Variants in ESR1 observed in about 807,000 individuals in gnomAD.
ESR1 encodes the protein estrogen receptor.
ESR1 carries 12 observed loss-of-function variants against 52.7 expected under a neutral mutation model. The ratio of observed to expected loss-of-function variants is 0.23; its 90% confidence interval spans 0.15 to 0.37. The LOEUF (loss-of-function observed/expected upper bound fraction) is 0.37, where lower values mean the gene tolerates loss of function less well. Among genes scored for constraint, ESR1 ranks in the 10% least tolerant of loss-of-function variants. ESR1 has a pLI of 1.00. For missense variants in ESR1, 584 were observed against 779.7 expected, an observed-to-expected ratio of 0.75 and a Z score of 2.99; for synonymous variants, 305 against 316.8, an observed-to-expected ratio of 0.96 and a Z score of 0.39.
chr6:152,001,999 GC>G lies in ESR1; in HGVS notation c.1097-9656del, dbSNP rs1204516331. On this transcript the variant is annotated intron_variant, in intron 4 of 7. Coordinates refer to ENST00000206249, the MANE Select transcript of ESR1 (RefSeq NM_000125.4). ...GCTTTTCTCTGGCTTCCCAGTTGAA[GC>G]ATTGTCATATGCTTTGATGCTCAGC... Among the ~76,000 whole-genome samples the G allele has an allele frequency of 2.0e-5, 3 of 151,978 alleles. No individual in the cohort carries two copies. In the East Asian group the frequency reaches 5.8e-4, roughly 30 times the overall value.
At chr6:151,830,403 G>A (rs547210812) in intron 1 of ESR1, among the ~76,000 whole-genome samples, 1 of 152,224 alleles carries the variant, frequency 6.6e-6, no homozygotes, top group Admixed American at 6.5e-5. Flanking sequence ...TAATTCTGCA[G>A]GTAAATCAAG....
At chr6:151,689,656 T>C (rs1778824173), upstream of ESR1, among the ~76,000 whole-genome samples, 1 of 152,184 alleles carries the variant, frequency 6.6e-6, no homozygotes, top group Non-Finnish European at 1.5e-5. Context: ...TCCTCTGTAC[T>C]GGGTACTGGG....
chr6:151,786,133 A>G (rs1290078566), intron 2 of ESR1, among the ~76,000 whole-genome samples: 1 of 152,190 alleles, frequency 6.6e-6, no homozygotes, highest in African/African-American at 2.4e-5. Context: ...CAGGGTGCTC[A>G]CAGTACTCCT....
At chr6:151,659,100 G>A (rs545721936) in intron 1 of ESR1, among the ~76,000 whole-genome samples, 2 of 150,846 alleles carry the variant, frequency 1.3e-5, no homozygotes, top group South Asian at 2.1e-4. Flanking sequence ...CGCAACCTCC[G>A]CCTCCTGGGT....
intron 4 of ESR1, among the ~76,000 whole-genome samples, chr6:151,974,664 A>T (rs1260006392): frequency 1.3e-5 from 2 of 152,220 alleles, no homozygotes; most frequent in African/African-American, 2.4e-5. Context: ...GCCTATATGA[A>T]TGTGCTTTAT....
In ESR1 at chr6:152,100,354, G is replaced by A. The variant is rs2152509022; in HGVS notation, c.*1388G>A. On this transcript the variant is annotated 3_prime_UTR_variant, in exon 8 of 8. Coordinates refer to ENST00000206249, the MANE Select transcript of ESR1 (RefSeq NM_000125.4). The stretch of plus-strand genomic sequence containing the variant: ...TGGTCAGATTACGTATGCCCTTGGT[G>A]GTTTAGAGATAATCCAAAATCAGGG... 1 of 356,582 alleles carries A rather than the reference G, an allele frequency of 2.8e-6. No individual in the cohort carries two copies. Among genetic ancestry groups the A allele is most frequent in the Middle Eastern group, 7.2e-4 (1 of 1,380 alleles). The allele number at this position is 356,582 out of a possible 1,614,324, so 22.1% of individuals were successfully genotyped here. A position where few individuals can be genotyped will look rare whatever the true frequency, so the allele number is the denominator to read the frequency against.
At chr6:152,022,912 G>A (rs1275093740) in intron 5 of ESR1, among the ~76,000 whole-genome samples, 1 of 151,848 alleles carries the variant, frequency 6.6e-6, no homozygotes, top group Non-Finnish European at 1.5e-5. Flanking sequence ...GGGAGGCAGA[G>A]GTTGCAGTGA....
rs556767083 is a variant in ESR1, at chr6:151,899,978, A to G, written c.760+19207A>G. Among the ~76,000 whole-genome samples the G allele has an allele frequency of 1.8e-3, 272 of 152,166 alleles. 1 individual carries two copies. Among genetic ancestry groups the G allele is most frequent in the Non-Finnish European group, 2.9e-3 (197 of 67,990 alleles). On this transcript the variant is annotated intron_variant, in intron 3 of 7. Coordinates refer to ENST00000206249, the MANE Select transcript of ESR1 (RefSeq NM_000125.4). ...TGGCGGCCAGGCAGAGACGCTCCTC[A>G]CTTCCCAGACGGGGTGGCCCCGGGC...
intron 1 of ESR1, among the ~76,000 whole-genome samples, chr6:151,669,419 A>AGAAACCTGCTCAT (rs1437444513): frequency 1.3e-5 from 2 of 152,120 alleles, no homozygotes; most frequent in Non-Finnish European, 2.9e-5. Context: ...GATGTCCTCG[A>AGAAACCTGCTCAT]GAAACCTGCT....
chr6:152,079,142 A>G (rs1302912722), intron 6 of ESR1, among the ~76,000 whole-genome samples: 1 of 152,188 alleles, frequency 6.6e-6, no homozygotes, highest in African/African-American at 2.4e-5. Flanking sequence ...TTCTCTCAGC[A>G]CAGTGTTCAA....
Position 151,814,394 on chromosome 6 carries a change from T to C in ESR1, c.452+6030T>C, listed in dbSNP as rs1232060107. On this transcript the variant is annotated intron_variant, in intron 1 of 7. Coordinates refer to ENST00000206249, the MANE Select transcript of ESR1 (RefSeq NM_000125.4). ...AACTCCCTTTAAAGAGTTTTTGGCC[T>C]CTTTTACCCTATTAAGCTTTCTTTT... Among the ~76,000 whole-genome samples, 3 of 152,182 alleles carry C rather than the reference T, an allele frequency of 2.0e-5. No homozygotes were observed. The East Asian group carries it at 5.8e-4, about 29-fold the overall frequency.
chr6:151,687,632 A>G (rs1778741330), upstream of ESR1, among the ~76,000 whole-genome samples: 1 of 152,220 alleles, frequency 6.6e-6, no homozygotes, highest in South Asian at 2.1e-4. Flanking sequence ...TGAACAACCC[A>G]GACAGATTGC....
chr6:151,789,089 AC>A (rs1787287002), intron 2 of ESR1, among the ~76,000 whole-genome samples: 2 of 152,118 alleles, frequency 1.3e-5, no homozygotes, highest in African/African-American at 4.8e-5. Flanking sequence ...CTGCACGTGT[AC>A]CCCTGAACTT....
intron 2 of ESR1, among the ~76,000 whole-genome samples, chr6:151,757,711 A>T (rs775018996): frequency 2.0e-5 from 3 of 152,204 alleles, no homozygotes; most frequent in Non-Finnish European, 4.4e-5. Flanking sequence ...GTGTTTTCTC[A>T]TGTGCTACTA....
rs181272997 is a variant in ESR1 at position 151,809,137 on chromosome 6, A to T, written c.452+773A>T. On this transcript the variant is annotated intron_variant, in intron 1 of 7. Coordinates refer to ENST00000206249, the MANE Select transcript of ESR1 (RefSeq NM_000125.4). The stretch of plus-strand genomic sequence containing the variant: ...AAAATAATCTCCTGCCAGCCCAGTG[A>T]CAAGCCTGTCCCACCCGGGGAGAAT... The T allele has an allele frequency of 5.7e-5, 24 of 420,758 alleles. No homozygotes were observed. The East Asian group carries it at 1.0e-3, about 18-fold the overall frequency. The allele number at this position is 420,758 out of a possible 1,614,324, so 26.1% of individuals were successfully genotyped here.
At chr6:151,976,631 C>T (rs942462015) in intron 4 of ESR1, among the ~76,000 whole-genome samples, 2 of 152,044 alleles carry the variant, frequency 1.3e-5, no homozygotes, top group African/African-American at 4.8e-5. Context: ...TAGTAATTCT[C>T]TTGCTGTTAT....
chr6:151,865,271 A>G (rs571517903), intron 2 of ESR1, among the ~76,000 whole-genome samples: 2 of 152,252 alleles, frequency 1.3e-5, no homozygotes, highest in South Asian at 4.1e-4. Flanking sequence ...TGTGTATTGG[A>G]GATCTTTCCA....
intron 3 of ESR1, among the ~76,000 whole-genome samples, chr6:151,890,963 T>C (rs1794622508): frequency 6.6e-6 from 1 of 152,206 alleles, no homozygotes; most frequent in Non-Finnish European, 1.5e-5. Context: ...TCTTTCTTCC[T>C]ATCTTGCTGT....
intron 1 of ESR1, among the ~76,000 whole-genome samples, chr6:151,833,627 A>G (rs1782806550): frequency 6.6e-6 from 1 of 152,196 alleles, no homozygotes. Flanking sequence ...ATCAGACACT[A>G]AGAATAAGCT....
Sources: allele counts gnomAD v4.1 joint callset (sites outside exome capture counted in the v4.1 genomes callset), GRCh38; gene constraint gnomAD v4.1.1; transcripts MANE v1.5; gene names NCBI Gene and HGNC (gene_info 2026-07-23, HGNC 2026-07-21).